Variants in RBMS3 observed in about 807,000 individuals in gnomAD.
RBMS3 encodes RNA binding motif single stranded interacting protein 3.
Under a neutral mutation model 66.8 loss-of-function variants are expected in RBMS3, and 27 were observed. The ratio of observed to expected loss-of-function variants is 0.40; its 90% confidence interval spans 0.30 to 0.56. The LOEUF is 0.56. RBMS3 is among the 20% of genes least tolerant of loss of function. The probability of loss-of-function intolerance (pLI) is 0.40; values close to 1 mark genes in which losing one functional copy is unlikely to be tolerated. For missense variants in RBMS3, 513 were observed against 549.5 expected, an observed-to-expected ratio of 0.93 and a Z score of 0.66; for synonymous variants, 188 against 183.0, an observed-to-expected ratio of 1.03 and a Z score of -0.22.
At chr3:29,698,087 G>A (rs572577545) in intron 4 of RBMS3, 144 of 470,444 alleles carry the variant, frequency 3.1e-4, no homozygotes, top group Non-Finnish European at 3.7e-4. Flanking sequence ...TTCATACTTG[G>A]TGCTTCATTT....
chr3:29,295,770 C>T (rs566520741), intron 1 of RBMS3, among the ~76,000 whole-genome samples: 1 of 151,808 alleles, frequency 6.6e-6, no homozygotes, highest in East Asian at 1.9e-4. Context: ...GGTGGACATG[C>T]ATTTTATTGC....
At chr3:29,689,390 A>G (rs1035228286) in intron 4 of RBMS3, among the ~76,000 whole-genome samples, 5 of 152,242 alleles carry the variant, frequency 3.3e-5, no homozygotes, top group African/African-American at 9.6e-5. Flanking sequence ...AAGTACATAA[A>G]TGTACTTATG....
At chr3:29,438,458 T>C (rs1409416513) in intron 2 of RBMS3, among the ~76,000 whole-genome samples, 1 of 152,110 alleles carries the variant, frequency 6.6e-6, no homozygotes, top group Non-Finnish European at 1.5e-5. Flanking sequence ...AAAAAGAAAT[T>C]GCATTATTTC....
At chr3:29,435,525 C>T (rs1257803999) in intron 2 of RBMS3, among the ~76,000 whole-genome samples, 1 of 152,194 alleles carries the variant, frequency 6.6e-6, no homozygotes, top group Non-Finnish European at 1.5e-5. Context: ...ATTAAATCCT[C>T]TTCAAAAATG....
intron 1 of RBMS3, among the ~76,000 whole-genome samples, chr3:29,426,775 T>A (rs2040976455): frequency 6.6e-6 from 1 of 152,212 alleles, no homozygotes; most frequent in Non-Finnish European, 1.5e-5. Context: ...CAACTAGAAC[T>A]GAGAAGGCAA....
At chr3:29,378,955 GA>G (rs1200031378) in intron 1 of RBMS3, among the ~76,000 whole-genome samples, 1 of 152,150 alleles carries the variant, frequency 6.6e-6, no homozygotes, top group Non-Finnish European at 1.5e-5. Context: ...TATAACCTTT[GA>G]AACAAGTCTG....
chr3:29,959,445 G>T (rs1696262174), intron 12 of RBMS3, among the ~76,000 whole-genome samples: 1 of 152,102 alleles, frequency 6.6e-6, no homozygotes, highest in Admixed American at 6.5e-5. Context: ...TGAGGGTGGA[G>T]GTGGAACCAT....
chr3:29,825,367 A>T (rs1456569057), intron 6 of RBMS3, among the ~76,000 whole-genome samples: 2 of 152,024 alleles, frequency 1.3e-5, no homozygotes, highest in Admixed American at 6.6e-5. Context: ...TGTACATGAG[A>T]GATACTAACT....
chr3:29,701,964 C>A (rs1392746911), intron 4 of RBMS3, among the ~76,000 whole-genome samples: 1 of 152,294 alleles, frequency 6.6e-6, no homozygotes, highest in Non-Finnish European at 1.5e-5. Context: ...TGCCCGCGGC[C>A]GTGGCGCGGG....
intron 1 of RBMS3, among the ~76,000 whole-genome samples, chr3:29,343,665 G>A (rs1468800858): frequency 1.3e-5 from 2 of 152,182 alleles, no homozygotes; most frequent in African/African-American, 2.4e-5. Context: ...GAATGTTGGT[G>A]AACTGAAGGC....
In RBMS3 at chr3:29,420,560, GTTTT is replaced by G. The variant is rs1553600813; in HGVS notation, c.76-14177_76-14174del. Among the ~76,000 whole-genome samples the G allele has an allele frequency of 1.7e-4, 21 of 123,352 alleles. No individual in the cohort carries two copies. The South Asian group carries it at 5.6e-3, about 33-fold the overall frequency. 80.9% of individuals were successfully genotyped at this position (123,352 alleles called of 152,430 possible). Reference sequence around the variant, plus strand: ...AAAAATCAGTGGTGTACTTAGGTTTGTTTTTTTTTGTTTTGTTTTGTTTTGTTTT... The same window carrying G: ...AAAAATCAGTGGTGTACTTAGGTTTGTTTTTGTTTTGTTTTGTTTTGTTTT... On this transcript the variant is annotated intron_variant, in intron 1 of 14. Coordinates refer to ENST00000383767, the MANE Select transcript of RBMS3 (RefSeq NM_001003793.3).
chr3:29,621,541 T>C (rs373653271), intron 4 of RBMS3, among the ~76,000 whole-genome samples: 4 of 152,194 alleles, frequency 2.6e-5, no homozygotes, highest in African/African-American at 9.6e-5. Context: ...GAGAGCCTCA[T>C]TGTATTTTGT....
At chr3:29,747,506 G>A (rs1421046732) in intron 5 of RBMS3, among the ~76,000 whole-genome samples, 1 of 152,040 alleles carries the variant, frequency 6.6e-6, no homozygotes, top group Non-Finnish European at 1.5e-5. Context: ...AATTGTTATA[G>A]ATGAAGTAAT....
chr3:29,430,920 A>T (rs1303917415), intron 1 of RBMS3, among the ~76,000 whole-genome samples: 1 of 152,188 alleles, frequency 6.6e-6, no homozygotes, highest in East Asian at 1.9e-4. Flanking sequence ...AGGGAAGTAA[A>T]GAGAAATCTC....
intron 6 of RBMS3, among the ~76,000 whole-genome samples, chr3:29,838,997 C>T (rs1420776010): frequency 1.3e-5 from 2 of 152,084 alleles, no homozygotes; most frequent in Non-Finnish European, 2.9e-5. Context: ...TTGGAATTAC[C>T]TTTTGTGAAT....
chr3:29,563,044 G>A (rs951428178), intron 3 of RBMS3, among the ~76,000 whole-genome samples: 3 of 152,116 alleles, frequency 2.0e-5, no homozygotes, highest in Non-Finnish European at 2.9e-5. Flanking sequence ...TAGATTTAAC[G>A]CTTTGATCTG....
Position 29,904,569 on chromosome 3 carries a change from G to C in RBMS3, c.939+4814G>C, listed in dbSNP as rs369363074. ...AAGGTGTACTTTCTTGAAAACTCAA[G>C]ACAGTAATATTACACCCTAGTGAGA... On this transcript the variant is annotated intron_variant, in intron 10 of 14. Transcript: ENST00000383767. 1.8e-4 allele frequency among the ~76,000 whole-genome samples: 27 copies of C among 152,016 alleles called. No individual in the cohort carries two copies. The East Asian group carries it at 2.1e-3, about 12-fold the overall frequency.
intron 6 of RBMS3, among the ~76,000 whole-genome samples, chr3:29,841,648 T>A (rs2058666591): frequency 6.6e-6 from 1 of 152,024 alleles, no homozygotes; most frequent in Non-Finnish European, 1.5e-5. Flanking sequence ...TAATTAGTAG[T>A]GACATTAATT....
Position 29,529,335 on chromosome 3 carries a change from C to T in RBMS3, c.307+40836C>T, listed in dbSNP as rs916112133. Among the ~76,000 whole-genome samples the T allele has an allele frequency of 4.6e-5, 7 of 151,906 alleles. No individual in the cohort carries two copies. In the South Asian group the frequency reaches 1.0e-3, roughly 23 times the overall value. On this transcript the variant is annotated intron_variant, in intron 3 of 14. Transcript: ENST00000383767. ...CTATAACTTCTAGAATTATCATGAA[C>T]GTAGTTTATGGCCATGGGGGCAAAA... is the stretch of plus-strand genomic sequence containing the variant.
Sources: gnomAD v4.1 joint callset for allele counts (sites outside exome capture counted in the v4.1 genomes callset) on GRCh38, gnomAD v4.1.1 for gene constraint, MANE v1.5 for transcripts, NCBI Gene and HGNC (gene_info 2026-07-23, HGNC 2026-07-21) for gene names.